AOPEP: variants seen among roughly 807,000 people sequenced by gnomAD.
AOPEP encodes aminopeptidase O (putative).
A neutral mutation model predicts 98.1 loss-of-function variants in AOPEP; 77 were observed. The ratio of observed to expected loss-of-function variants is 0.78; its 90% CI spans 0.65 to 0.95. The LOEUF (loss-of-function observed/expected upper bound fraction) is 0.95, where lower values mean the gene tolerates loss of function less well. Among genes scored for constraint, AOPEP ranks in the 40% least tolerant of loss-of-function variants. The pLI is 0.00. For missense variants in AOPEP, 1,024 were observed against 1,024.7 expected (o/e 1.00, Z 0.01); for synonymous variants, 346 against 365.3 (o/e 0.95, Z 0.60).
At chr9:94,876,081 A>G (rs1457843597) in intron 5 of AOPEP, among the ~76,000 whole-genome samples, 1 of 152,230 alleles carries the variant, frequency 6.6e-6, no homozygotes, top group African/African-American at 2.4e-5. Context: ...AATTGAGGCA[A>G]TATAGGCAGT....
At chr9:95,108,554 A>G in the AOPEP span, among the ~76,000 whole-genome samples, 3 of 152,206 alleles carry the variant, frequency 2.0e-5, no homozygotes, top group Non-Finnish European at 2.9e-5. Flanking sequence ...GTCCATGCTC[A>G]TGGGCTTCCA....
intron 5 of AOPEP, among the ~76,000 whole-genome samples, chr9:94,887,237 A>G (rs2048346838): frequency 6.6e-6 from 1 of 152,074 alleles, no homozygotes; most frequent in South Asian, 2.1e-4. Flanking sequence ...AGTCCCAGCT[A>G]CTTGGGGAGC....
At chr9:94,931,703 A>T in intron 7 of AOPEP, 1 of 1,536,390 alleles carries the variant, frequency 6.5e-7, no homozygotes, top group Non-Finnish European at 8.8e-7. Context: ...ATCTCGCTTT[A>T]TGTCTTGATA....
At chr9:94,778,686 TGTAA>T (rs1842686544) in intron 3 of AOPEP, among the ~76,000 whole-genome samples, 1 of 152,124 alleles carries the variant, frequency 6.6e-6, no homozygotes, top group African/African-American at 2.4e-5. Context: ...GTAATGATTA[TGTAA>T]GTGTGTTTAT....
At chr9:94,965,833 C>T (rs564759671) in intron 9 of AOPEP, among the ~76,000 whole-genome samples, 3 of 150,960 alleles carry the variant, frequency 2.0e-5, no homozygotes, top group Non-Finnish European at 2.9e-5. Context: ...TGGGAGGCTT[C>T]GGTCTGCAGT....
intron 1 of AOPEP, among the ~76,000 whole-genome samples, chr9:94,758,680 TCTC>T (rs1221087559): frequency 2.6e-5 from 4 of 152,210 alleles, no homozygotes; most frequent in African/African-American, 9.6e-5. Flanking sequence ...TTCTTTCTGT[TCTC>T]CTGCCATTTC....
the AOPEP span, chr9:95,135,394 C>G: frequency 5.0e-6 from 8 of 1,614,084 alleles, no homozygotes; most frequent in Non-Finnish European, 6.8e-6. Context: ...GACAATTTCT[C>G]TCACTGGAGA....
chr9:95,110,721 TTAA>T, the AOPEP span: 2 of 1,065,626 alleles, frequency 1.9e-6, no homozygotes, highest in African/African-American at 1.6e-5. Context: ...CTTGTCCTCT[TTAA>T]CTACTAAGAT....
chr9:95,104,159 G>A, the AOPEP span, among the ~76,000 whole-genome samples: 5 of 152,230 alleles, frequency 3.3e-5, no homozygotes, highest in Non-Finnish European at 7.3e-5. Context: ...AGGCAGGGGT[G>A]GTGGGAGGGA....
intron 5 of AOPEP, among the ~76,000 whole-genome samples, chr9:94,836,494 T>G (rs1027811947): frequency 4.6e-5 from 7 of 152,214 alleles, no homozygotes; most frequent in African/African-American, 1.7e-4. Flanking sequence ...TTCATATGCT[T>G]ACTTTCTTTG....
At chr9:94,875,538 T>C (rs1233035882) in intron 5 of AOPEP, among the ~76,000 whole-genome samples, 1 of 152,148 alleles carries the variant, frequency 6.6e-6, no homozygotes, top group African/African-American at 2.4e-5. Flanking sequence ...TTTGCCTTAT[T>C]TGAAGACAGT....
intron 13 of AOPEP, among the ~76,000 whole-genome samples, chr9:95,041,103 A>G (rs1487779434): frequency 6.6e-6 from 1 of 152,178 alleles, no homozygotes; most frequent in East Asian, 1.9e-4. Context: ...GTGAATTGCA[A>G]TAAATAACAG....
rs149548629 is a variant in AOPEP, at chr9:94,980,881, CT to C, written c.1977+1458del. Among the ~76,000 whole-genome samples the C allele has an allele frequency of 4.6e-3, 705 of 152,324 alleles. 10 individuals are homozygous for C. Among genetic ancestry groups the C allele is most frequent in the South Asian group, 0.04 (195 of 4,816 alleles). ...TTTGTCTAGGTGTGAATAACCAACC[CT>C]TTTCCTTCATGTTTCAGATGGGAGT... On this transcript the variant is annotated intron_variant, in intron 11 of 16. Coordinates refer to ENST00000375315, the MANE Select transcript of AOPEP (RefSeq NM_001193329.3). This position sits in a 1 kb window ranked among gnomAD's most constrained non-coding sequence, Gnocchi z 4.3.
chr9:94,935,798 C>T (rs1053289405), intron 7 of AOPEP, among the ~76,000 whole-genome samples: 3 of 152,178 alleles, frequency 2.0e-5, no homozygotes, highest in Admixed American at 1.3e-4. Flanking sequence ...AAAGATCAAG[C>T]GTGAATGCTT....
intron 5 of AOPEP, among the ~76,000 whole-genome samples, chr9:94,881,015 G>T (rs1237813075): frequency 6.6e-6 from 1 of 152,196 alleles, no homozygotes; most frequent in Non-Finnish European, 1.5e-5. Flanking sequence ...AGAGGTAATG[G>T]AGTAGCAGGG....
chr9:94,906,462 A>AATG (rs2051149855), intron 5 of AOPEP, among the ~76,000 whole-genome samples: 1 of 122,744 alleles, frequency 8.1e-6, no homozygotes, highest in Non-Finnish European at 1.9e-5. Context: ...CTGAAATAAT[A>AATG]ATAATAATAA....
intron 7 of AOPEP, among the ~76,000 whole-genome samples, chr9:94,935,728 G>A (rs147844740): frequency 6.6e-6 from 1 of 152,224 alleles, no homozygotes; most frequent in African/African-American, 2.4e-5. Context: ...GGGCATGGCC[G>A]GCCATACCCC....
intron 15 of AOPEP, 94 bp downstream of exon 15, chr9:95,080,874 ATAAT>A (rs1347660979): frequency 4.5e-6 from 4 of 880,602 alleles, no homozygotes; most frequent in Non-Finnish European, 7.7e-6. Context: ...TTCATAACAA[ATAAT>A]TAAATCTGTT....
intron 7 of AOPEP, among the ~76,000 whole-genome samples, chr9:94,938,527 G>C (rs536251784): frequency 6.6e-6 from 1 of 152,314 alleles, no homozygotes; most frequent in South Asian, 2.1e-4. Flanking sequence ...GATGGGTGAA[G>C]AGGCAGAGGG....
Sources: allele counts gnomAD v4.1 joint callset (sites outside exome capture counted in the v4.1 genomes callset), GRCh38; gene constraint gnomAD v4.1.1; non-coding constraint Gnocchi (gnomAD v3.1); transcripts MANE v1.5; gene names NCBI Gene and HGNC (gene_info 2026-07-23, HGNC 2026-07-21).